The following BATF2 variants were observed in gnomAD, a reference collection of about 807,000 sequenced individuals.
The protein encoded by BATF2 is basic leucine zipper ATF-like transcription factor 2.
In BATF2, 4 loss-of-function variants were observed where a neutral mutation model predicts 7.3. The observed-to-expected ratio is 0.55, with a 90% CI of 0.27 to 1.26. The LOEUF (loss-of-function observed/expected upper bound fraction) is 1.26. Ranked by LOEUF, BATF2 falls within the 50% of genes most tolerant of loss-of-function variation. The probability of loss-of-function intolerance (pLI) is 0.11; values close to 1 mark genes in which losing one functional copy is unlikely to be tolerated. For missense variants in BATF2, 295 were observed against 340.5 expected (o/e 0.87, Z 1.05); for synonymous variants, 152 against 153.9 (o/e 0.99, Z 0.09).
chr11:64,993,296 G>GT (rs1174207543), intron 2 of BATF2, among the ~76,000 whole-genome samples: 1 of 152,180 alleles, frequency 6.6e-6, no homozygotes, highest in Non-Finnish European at 1.5e-5. Flanking sequence ...GGAGGTAGAG[G>GT]TTGTAGTGAG....
chr11:64,989,364 G>A lies in BATF2; in HGVS notation c.590C>T (p.Pro197Leu), dbSNP rs1270629129. ...AGGGGCAGTTTGGGCCGTGAGGCTGGGCTGGAGGGCACTGAGCTTAGAGGA... is the reference window on the plus strand; with the variant it reads ...AGGGGCAGTTTGGGCCGTGAGGCTGAGCTGGAGGGCACTGAGCTTAGAGGA... The part of the protein sequence containing the change: ...GSSSKLSALQ[P>L]SLTAQTAPPQ... The change falls in exon 3 of 3, where the codon CCC becomes CTC. Residue 197 changes from proline to leucine, a missense_variant. Coordinates refer to ENST00000301887, the MANE Select transcript of BATF2 (RefSeq NM_138456.4). The surrounding 1 kb of genome is among the most constrained non-coding windows in gnomAD (Gnocchi z 4.3). The A allele has an allele frequency of 6.4e-7, 1 of 1,574,004 alleles. No individual in the cohort carries two copies. The highest frequency in any genetic ancestry group is 1.3e-5 in the African/African-American group (1 of 74,110).
At chr11:64,990,127 T>G in intron 2 of BATF2, 1 of 1,535,710 alleles carries the variant, frequency 6.5e-7, no homozygotes, top group Non-Finnish European at 8.7e-7. Flanking sequence ...CCTATTCTCT[T>G]GCCCACAGGA....
chr11:64,994,336 T>A, intron 2 of BATF2, 112 bp downstream of exon 2: 1 of 1,054,278 alleles, frequency 9.5e-7, no homozygotes, highest in African/African-American at 1.6e-5. Context: ...TCAGGTGACC[T>A]AGAAAAATAC....
rs758628202 is a variant in BATF2, at chr11:64,996,864, C to T, written c.39+12G>A. On this transcript the variant is annotated intron_variant, in intron 1 of 2. Coordinates refer to ENST00000301887, the MANE Select transcript of BATF2 (RefSeq NM_138456.4). ...CCCTTCTCATCCCCGATCCCCAATC[C>T]CCTGTACTCACTGTCTGGGTCAGCA... 2.5e-6 allele frequency: 4 copies of T among 1,611,980 alleles called. No individual in the cohort carries two copies. In the East Asian group the frequency reaches 8.9e-5, roughly 36 times the overall value.
chr11:64,992,346 C>T (rs1407770391), intron 2 of BATF2, among the ~76,000 whole-genome samples: 1 of 151,996 alleles, frequency 6.6e-6, no homozygotes, highest in African/African-American at 2.4e-5. Flanking sequence ...GGATTATAGG[C>T]GTGAGCCACC....
At position 64,988,882 on chromosome 11, in the gene BATF2, C is replaced by T; in HGVS notation, c.*247G>A. On this transcript the variant is annotated 3_prime_UTR_variant, in exon 3 of 3. Transcript: ENST00000301887. Reference sequence around the variant, plus strand: ...CTTGGCTTCCCTGAGCCTCAGTTTCCTTGTCTGAAAAAGTGGAGTGATAAT... The same window carrying T: ...CTTGGCTTCCCTGAGCCTCAGTTTCTTTGTCTGAAAAAGTGGAGTGATAAT... The T allele has an allele frequency of 1.9e-6, 1 of 523,334 alleles. No homozygotes were observed. The highest frequency in any genetic ancestry group is 3.4e-6 in the Non-Finnish European group (1 of 291,034). The allele number at this position is 523,334 out of a possible 1,614,324, so 32.4% of individuals were successfully genotyped here. A position where few individuals can be genotyped will look rare whatever the true frequency, so the allele number is the denominator to read the frequency against.
At position 64,994,506 on chromosome 11, in the gene BATF2, C is replaced by T. The variant is rs780112822; in HGVS notation, c.83G>A (p.Arg28Gln). The T allele has an allele frequency of 8.7e-6, 14 of 1,604,244 alleles. No individual in the cohort carries two copies. The highest frequency in any genetic ancestry group is 1.3e-5 in the African/African-American group (1 of 74,770). Residue 28 changes from arginine to glutamine, a missense_variant, in exon 2 of 3, where the codon CGG becomes CAG. Arg to Gln is a conservative substitution (Grantham distance 43, BLOSUM62 1). Coordinates refer to ENST00000301887, the MANE Select transcript of BATF2 (RefSeq NM_138456.4). Reference protein sequence around the residue: ...QQRQLKKQKNRAAAQRSRQKH... With the variant: ...QQRQLKKQKNQAAAQRSRQKH... ...CTGCCGGCTTCGCTGGGCGGCTGCC[C>T]GGTTCTTCTGCTTCTTCAGCTGCCT...
chr11:64,989,917 A>C lies in BATF2; in HGVS notation c.142-105T>G, dbSNP rs1590719976. Reference sequence around the variant, plus strand: ...TCCTCAACTTCAGGAGAAAGATGCCACCACCATTGGAATAGCCAAGTGGGG... The same window carrying C: ...TCCTCAACTTCAGGAGAAAGATGCCCCCACCATTGGAATAGCCAAGTGGGG... On this transcript the variant is annotated intron_variant, in intron 2 of 2. Transcript: ENST00000301887. The surrounding 1 kb of genome is among the most constrained non-coding windows in gnomAD (Gnocchi z 4.3). The C allele has an allele frequency of 6.9e-7, 1 of 1,457,474 alleles. No individual in the cohort carries two copies. Among genetic ancestry groups the C allele is most frequent in the African/African-American group, 1.4e-5 (1 of 71,090 alleles). 90.3% of individuals were successfully genotyped at this position (1,457,474 alleles called of 1,614,324 possible).
rs781063487 is a variant in BATF2 at position 64,988,446 on chromosome 11, CT to C, written c.*682del. The C allele has an allele frequency of 6.6e-6, 1 of 152,276 alleles. No homozygotes were observed. Among genetic ancestry groups the C allele is most frequent in the Non-Finnish European group, 1.5e-5 (1 of 68,122 alleles). 9.4% of individuals were successfully genotyped at this position (152,276 alleles called of 1,614,324 possible). A position where few individuals can be genotyped will look rare whatever the true frequency, so the allele number is the denominator to read the frequency against. ...GCCTGGAAAGCTGACCCTGCAGAAT[CT>C]CCCAGAAGCCTTGGTGTGGCTATGG... is the stretch of plus-strand genomic sequence containing the variant. On this transcript the variant is annotated 3_prime_UTR_variant, in exon 3 of 3. Coordinates refer to ENST00000301887, the MANE Select transcript of BATF2 (RefSeq NM_138456.4).
intron 1 of BATF2, among the ~76,000 whole-genome samples, chr11:64,995,508 G>A (rs1490695336): frequency 6.6e-6 from 1 of 152,196 alleles, no homozygotes; most frequent in Non-Finnish European, 1.5e-5. Flanking sequence ...ACATTGTAGT[G>A]GGGTGGTAGC....
At chr11:64,992,786 T>A (rs1946086629) in intron 2 of BATF2, among the ~76,000 whole-genome samples, 1 of 151,172 alleles carries the variant, frequency 6.6e-6, no homozygotes, top group Admixed American at 6.6e-5. Flanking sequence ...CGCTTGAGCC[T>A]GGGAAGCTGA....
rs1368705257 is a variant in BATF2 at position 64,994,284 on chromosome 11, C to A, written c.141+164G>T. Among the ~76,000 whole-genome samples, 3 of 152,210 alleles carry A rather than the reference C, an allele frequency of 2.0e-5. No individual in the cohort carries two copies. The East Asian group carries it at 5.8e-4, about 29-fold the overall frequency. ...CATGGTTTGTACTCAACACCCAGAACTTTCCAAATGTCAGCCACAGGATCC... is the reference window on the plus strand; with the variant it reads ...CATGGTTTGTACTCAACACCCAGAAATTTCCAAATGTCAGCCACAGGATCC... On this transcript the variant is annotated intron_variant, in intron 2 of 2. Transcript: ENST00000301887.
chr11:64,996,325 C>T (rs1946109804), intron 1 of BATF2, among the ~76,000 whole-genome samples: 1 of 152,108 alleles, frequency 6.6e-6, no homozygotes, highest in Non-Finnish European at 1.5e-5. Context: ...GACATGAGCT[C>T]AGCTTACTGC....
At chr11:64,990,132 A>G (rs1320927299) in intron 2 of BATF2, 1 of 1,535,672 alleles carries the variant, frequency 6.5e-7, no homozygotes, top group Non-Finnish European at 8.7e-7. Flanking sequence ...TCTCTTGCCC[A>G]CAGGAGCCAT....
chr11:64,994,206 G>A (rs918918493), intron 2 of BATF2, among the ~76,000 whole-genome samples: 8 of 152,146 alleles, frequency 5.3e-5, no homozygotes, highest in Non-Finnish European at 7.3e-5. Flanking sequence ...CTTAGGACAC[G>A]GCTGGGCTGA....
chr11:64,994,514 C>G lies in BATF2; in HGVS notation c.75G>C (p.Gln25His). 6.2e-7 allele frequency: 1 copy of G among 1,604,574 alleles called. No homozygotes were observed. The highest frequency in any genetic ancestry group is 1.1e-5 in the South Asian group (1 of 89,326). Residue 25 changes from glutamine to histidine, a missense_variant, in exon 2 of 3, where the codon CAG becomes CAC. Physicochemically the swap from Gln to His is conservative, Grantham distance 24. Transcript: ENST00000301887. ...PKEQQRQLKK[Q>H]KNRAAAQRSR... ...TTCGCTGGGCGGCTGCCCGGTTCTT[C>G]TGCTTCTTCAGCTGCCTTTGTTGCT...
At position 64,989,625 on chromosome 11, in the gene BATF2, C is replaced by G; in HGVS notation, c.329G>C (p.Gly110Ala). ...CCGGCAGCCATGTTGTCCCTGTGGG[C>G]CAGGGCCCAGGAGCCCCTCAGCCTG... is the stretch of plus-strand genomic sequence containing the variant. ...WDQAEGLLGPGPQGQHGCREQ... is the reference protein window; with the variant it reads ...WDQAEGLLGPAPQGQHGCREQ... Residue 110 changes from glycine to alanine, a missense_variant, in exon 3 of 3, where the codon GGC (glycine) becomes GCC (alanine). By Grantham distance (60) the Gly-to-Ala change is moderately conservative (BLOSUM62 0). Coordinates refer to ENST00000301887, the MANE Select transcript of BATF2 (RefSeq NM_138456.4). This position sits in a 1 kb window ranked among gnomAD's most constrained non-coding sequence, Gnocchi z 4.3. 6.2e-7 allele frequency: 1 copy of G among 1,610,958 alleles called. No individual in the cohort carries two copies.
chr11:64,990,054 G>A (rs771912934), intron 2 of BATF2: 38 of 1,536,950 alleles, frequency 2.5e-5, no homozygotes, highest in Non-Finnish European at 3.3e-5. Flanking sequence ...CTAGTGCCCT[G>A]AGCCGGTGCC....
chr11:64,989,069 C>T lies in BATF2; in HGVS notation c.*60G>A, dbSNP rs111395969. ...ACCCAGTAGTGAGGGAGGAGAGGCC[C>T]GTGTGCTAAGGCTGCTTCCTGAGCC... On this transcript the variant is annotated 3_prime_UTR_variant, in exon 3 of 3. Transcript: ENST00000301887. This position sits in a 1 kb window ranked among gnomAD's most constrained non-coding sequence, Gnocchi z 4.3. The T allele has an allele frequency of 0.029, 45,676 of 1,568,334 alleles. 888 individuals are homozygous for T. Among genetic ancestry groups the T allele is most frequent in the Admixed American group, 0.051 (3,023 of 59,840 alleles).
Sources: gnomAD v4.1 joint callset for allele counts (sites outside exome capture counted in the v4.1 genomes callset) on GRCh38, gnomAD v4.1.1 for gene constraint, Gnocchi (gnomAD v3.1) non-coding constraint, MANE v1.5 for transcripts, NCBI Gene and HGNC (gene_info 2026-07-23, HGNC 2026-07-21) for gene names.